The following CCDC80 variants were observed in gnomAD, a reference collection of about 807,000 sequenced individuals.
The protein encoded by CCDC80 is coiled-coil domain containing 80.
A neutral mutation model predicts 78.7 loss-of-function variants in CCDC80; 49 were observed. The ratio of observed to expected loss-of-function variants is 0.62; its 90% CI spans 0.50 to 0.79. The LOEUF is 0.79. Ranked by LOEUF, CCDC80 falls within the 30% of genes least tolerant of loss-of-function variation. The pLI is 0.00. For missense variants in CCDC80, 1,205 were observed against 1,198.6 expected (o/e 1.01, Z -0.08); for synonymous variants, 488 against 447.0 (o/e 1.09, Z -1.16).
intron 6 of CCDC80, 94 bp from the exon 7 acceptor site, chr3:112,607,350 A>T (rs969762603): frequency 6.6e-5 from 57 of 866,178 alleles, no homozygotes; most frequent in African/African-American, 2.2e-4. Context: ...AAAATCTCTT[A>T]AATTTAAAAA....
rs1039942163 is a variant in CCDC80, at chr3:112,602,665, G to A, written c.*2752C>T. The A allele has an allele frequency of 6.6e-6, 1 of 152,206 alleles. No homozygotes were observed. The highest frequency in any genetic ancestry group is 1.5e-5 in the Non-Finnish European group (1 of 68,052). The allele number at this position is 152,206 out of a possible 1,614,324, so 9.4% of individuals were successfully genotyped here. A position where few individuals can be genotyped will look rare whatever the true frequency, so the allele number is the denominator to read the frequency against. ...AAGCCAAAGCCTAGTTCAGAGCAAG[G>A]CCCTAACTCTCTTCAATTCTATGAA... On this transcript the variant is annotated 3_prime_UTR_variant, in exon 8 of 8. Transcript: ENST00000206423.
chr3:112,610,176 T>A, intron 5 of CCDC80, 95 bp from the exon 6 acceptor site: 1 of 1,041,360 alleles, frequency 9.6e-7, no homozygotes, highest in Non-Finnish European at 1.5e-6. Context: ...GCAATTTTTT[T>A]CTGTGCCCAG....
rs1576777127 is a variant in CCDC80 at position 112,605,176 on chromosome 3, A to G, written c.*241T>C. ...AAGGAAAATAATATCAATTTTCAGT[A>G]CTATTATTTAGCACTAGAGCCCCTC... On this transcript the variant is annotated 3_prime_UTR_variant, in exon 8 of 8. Coordinates refer to ENST00000206423, the MANE Select transcript of CCDC80 (RefSeq NM_199511.3). The G allele has an allele frequency of 5.4e-6, 2 of 371,020 alleles. No homozygotes were observed. Among genetic ancestry groups the G allele is most frequent in the Non-Finnish European group, 9.5e-6 (2 of 209,726 alleles). The allele number at this position is 371,020 out of a possible 1,614,324, so 23.0% of individuals were successfully genotyped here. A position where few individuals can be genotyped will look rare whatever the true frequency, so the allele number is the denominator to read the frequency against.
intron 3 of CCDC80, among the ~76,000 whole-genome samples, chr3:112,620,249 G>A (rs1166143352): frequency 6.6e-6 from 1 of 152,108 alleles, no homozygotes; most frequent in Non-Finnish European, 1.5e-5. Context: ...TAAAGAAGGA[G>A]CTTTATTTCT....
rs144422428 is a variant in CCDC80, at chr3:112,633,242, C to T, written c.1879-2973G>A. 2.8e-3 allele frequency among the ~76,000 whole-genome samples: 426 copies of T among 152,178 alleles called. 2 individuals carry two copies. The highest frequency in any genetic ancestry group is 9.8e-3 in the African/African-American group (407 of 41,506). ...CCCCCAAGCACATACAGGTATGTCA[C>T]CTCTGAATAATTCACCCACAATCCT... On this transcript the variant is annotated intron_variant, in intron 2 of 7. Coordinates refer to ENST00000206423, the MANE Select transcript of CCDC80 (RefSeq NM_199511.3).
chr3:112,598,369 A>G lies in CCDC80; in HGVS notation c.*7048T>C, dbSNP rs913027705. Reference sequence around the variant, plus strand: ...TTGGGAAGGGTGTCACCTTTATCCTATCAGTTCCACCTAATCAACTGTAGT... The same window carrying G: ...TTGGGAAGGGTGTCACCTTTATCCTGTCAGTTCCACCTAATCAACTGTAGT... On this transcript the variant is annotated 3_prime_UTR_variant, in exon 8 of 8. Transcript: ENST00000206423. The G allele has an allele frequency of 3.9e-5, 6 of 152,118 alleles. No individual in the cohort carries two copies. Among genetic ancestry groups the G allele is most frequent in the African/African-American group, 9.7e-5 (4 of 41,400 alleles). The allele number at this position is 152,118 out of a possible 1,614,324, so 9.4% of individuals were successfully genotyped here. A position where few individuals can be genotyped will look rare whatever the true frequency, so the allele number is the denominator to read the frequency against.
chr3:112,639,031 G>C lies in CCDC80; in HGVS notation c.875C>G (p.Ala292Gly). ...KASGVEGQVV[A>G]EGNDGGGGAG... is the part of the protein sequence containing the mutation. ...TCCCCCTCCACCGTCATTCCCCTCC[G>C]CCACCACCTGGCCCTCTACACCAGA... The change falls in exon 2 of 8, where the codon GCG (alanine) becomes GGG (glycine). Residue 292 changes from alanine to glycine, a missense_variant. Ala to Gly is a moderately conservative substitution (Grantham distance 60). Coordinates refer to ENST00000206423, the MANE Select transcript of CCDC80 (RefSeq NM_199511.3). 6.2e-7 allele frequency: 1 copy of C among 1,609,660 alleles called. No individual in the cohort carries two copies. Among genetic ancestry groups the C allele is most frequent in the Non-Finnish European group, 8.5e-7 (1 of 1,179,492 alleles).
At chr3:112,636,743 G>A (rs1468191580) in intron 2 of CCDC80, among the ~76,000 whole-genome samples, 3 of 152,192 alleles carry the variant, frequency 2.0e-5, no homozygotes, top group Non-Finnish European at 2.9e-5. Flanking sequence ...TGCAGGGTGT[G>A]CAGTTACCTT....
chr3:112,628,379 A>G (rs1200401124), intron 3 of CCDC80, among the ~76,000 whole-genome samples: 2 of 152,168 alleles, frequency 1.3e-5, no homozygotes, highest in African/African-American at 2.4e-5. Flanking sequence ...AATCAGCACA[A>G]AGCAATAACA....
At chr3:112,616,879 T>G in intron 4 of CCDC80, 21 bp from the exon 5 acceptor site, 2 of 1,610,614 alleles carry the variant, frequency 1.2e-6, no homozygotes. Context: ...AAAAACAGAA[T>G]GCATTTAATG....
Position 112,638,707 on chromosome 3 carries a change from G to T in CCDC80, c.1199C>A (p.Thr400Asn). Residue 400 changes from threonine to asparagine, a missense_variant, in exon 2 of 8, where the codon ACT becomes AAT. Physicochemically the swap from Thr to Asn is moderately conservative, Grantham distance 65. Transcript: ENST00000206423. ...PSPSHRPPTT[T>N]EVITARRPSV... is the part of the protein sequence containing the mutation. The stretch of plus-strand genomic sequence containing the variant: ...GGGTCTCCTGGCAGTGATCACCTCA[G>T]TGGTTGTAGGGGGCCTGTGGGAGGG... 1 of 1,614,072 alleles carries T rather than the reference G, an allele frequency of 6.2e-7. No individual in the cohort carries two copies. Among genetic ancestry groups the T allele is most frequent in the Non-Finnish European group, 8.5e-7 (1 of 1,180,004 alleles).
At chr3:112,629,979 C>A in intron 3 of CCDC80, 134 bp downstream of exon 3, 4 of 773,136 alleles carry the variant, frequency 5.2e-6, no homozygotes, top group Non-Finnish European at 8.2e-6. Context: ...GGCAAACTGA[C>A]CTGTGTTATC....
chr3:112,638,404 A>G lies in CCDC80; in HGVS notation c.1502T>C (p.Ile501Thr). 6.2e-7 allele frequency: 1 copy of G among 1,612,092 alleles called. No individual in the cohort carries two copies. The highest frequency in any genetic ancestry group is 8.5e-7 in the Non-Finnish European group (1 of 1,179,794). Residue 501 changes from isoleucine to threonine, a missense_variant, in exon 2 of 8, where the codon ATT (isoleucine) becomes ACT (threonine). Physicochemically the swap from Ile to Thr is moderately conservative, Grantham distance 89 (BLOSUM62 -1). Coordinates refer to ENST00000206423, the MANE Select transcript of CCDC80 (RefSeq NM_199511.3). ...CTTCTCCTCATACTCATTACTAAGAATTTTGTCCTGGGCCTTCTTTTTGGG... is the reference window on the plus strand; with the variant it reads ...CTTCTCCTCATACTCATTACTAAGAGTTTTGTCCTGGGCCTTCTTTTTGGG... The part of the protein sequence containing the change: ...KPPKKKAQDK[I>T]LSNEYEEKYD...
rs377187744 is a variant in CCDC80, at chr3:112,638,193, C to T, written c.1713G>A (p.Lys571=). Reference sequence around the variant, plus strand: ...TCTCTTGCTTGCTCTTTTTCTCAGACTTCTTCATTTGCTTTTCACTCTTAA... The same window carrying T: ...TCTCTTGCTTGCTCTTTTTCTCAGATTTCTTCATTTGCTTTTCACTCTTAA... ...KLLKSEKQMK[K]SEKKSKQEKE... Residue 571 remains lysine (K), a synonymous_variant, in exon 2 of 8, where the codon AAG becomes AAA. Transcript: ENST00000206423. The T allele has an allele frequency of 2.1e-5, 34 of 1,613,186 alleles. No homozygotes were observed. Among genetic ancestry groups the T allele is most frequent in the Non-Finnish European group, 2.8e-5 (33 of 1,179,310 alleles).
intron 6 of CCDC80, among the ~76,000 whole-genome samples, chr3:112,609,708 T>C (rs191194550): frequency 1.3e-5 from 2 of 151,474 alleles, no homozygotes; most frequent in East Asian, 3.9e-4. Flanking sequence ...ATGATACAGA[T>C]CATTAAAAGT....
At chr3:112,614,431 G>C (rs537221615) in intron 5 of CCDC80, among the ~76,000 whole-genome samples, 1 of 152,160 alleles carries the variant, frequency 6.6e-6, no homozygotes, top group Admixed American at 6.5e-5. Context: ...AAGAGCAAAA[G>C]AAAAGCTCTT....
chr3:112,603,197 T>G lies in CCDC80; in HGVS notation c.*2220A>C, dbSNP rs1441635976. 6.6e-6 allele frequency: 1 copy of G among 151,992 alleles called. No homozygotes were observed. Among genetic ancestry groups the G allele is most frequent in the South Asian group, 2.1e-4 (1 of 4,816 alleles). The allele number at this position is 151,992 out of a possible 1,614,324, so 9.4% of individuals were successfully genotyped here. On this transcript the variant is annotated 3_prime_UTR_variant, in exon 8 of 8. Coordinates refer to ENST00000206423, the MANE Select transcript of CCDC80 (RefSeq NM_199511.3). ...GGACATTTTAAGCTCACTTTTTGAG[T>G]CTTACTGCTCAGAAAAAAAAAGAAT...
chr3:112,609,387 C>T (rs1038947071), intron 6 of CCDC80, among the ~76,000 whole-genome samples: 1 of 152,108 alleles, frequency 6.6e-6, no homozygotes, highest in Non-Finnish European at 1.5e-5. Flanking sequence ...TTTCTTTGGC[C>T]TGCTTGTCTT....
At position 112,638,586 on chromosome 3, in the gene CCDC80, C is replaced by T; in HGVS notation, c.1320G>A (p.Glu440=). The change falls in exon 2 of 8, where the codon GAG becomes GAA. Residue 440 remains glutamate (E), a synonymous_variant. Transcript: ENST00000206423. Reference sequence around the variant, plus strand: ...TGGTGGGAGGGGCATTTGTGAAGCTCTCCAAGCTGGTGGCCTTGCTGGGCC... The same window carrying T: ...TGGTGGGAGGGGCATTTGTGAAGCTTTCCAAGCTGGTGGCCTTGCTGGGCC... ...TRRPSKATSL[E]SFTNAPPTTI... is the part of the protein sequence containing the mutation. 1 of 1,614,046 alleles carries T rather than the reference C, an allele frequency of 6.2e-7. No individual in the cohort carries two copies. The highest frequency in any genetic ancestry group is 8.5e-7 in the Non-Finnish European group (1 of 1,180,016).
Sources: allele counts gnomAD v4.1 joint callset (sites outside exome capture counted in the v4.1 genomes callset), GRCh38; gene constraint gnomAD v4.1.1; transcripts MANE v1.5; gene names NCBI Gene and HGNC (gene_info 2026-07-23, HGNC 2026-07-21).